The following DOCK11 variants were observed in gnomAD, a reference collection of about 807,000 sequenced individuals.
The protein encoded by DOCK11 is dedicator of cytokinesis 11, also known as dedicator of cytokinesis protein 11.
In DOCK11, 70 loss-of-function variants were observed where a neutral mutation model predicts 169.1. The ratio of observed to expected loss-of-function variants is 0.41; its 90% CI spans 0.34 to 0.51. The LOEUF is 0.51. Among genes scored for constraint, DOCK11 ranks in the 20% least tolerant of loss-of-function variants. The pLI, the probability that DOCK11 is intolerant of heterozygous loss-of-function variation, is 0.10. For missense variants in DOCK11, 1,166 were observed against 1,538.8 expected, an observed-to-expected ratio of 0.76 and a Z score of 4.05; for synonymous variants, 529 against 541.3, an observed-to-expected ratio of 0.98 and a Z score of 0.32.
At chrX:118,640,854 C>T (rs776532033) in intron 38 of DOCK11, among the ~76,000 whole-genome samples, 36 of 111,891 alleles carry the variant, frequency 3.2e-4, no homozygotes, top group Non-Finnish European at 5.5e-4. Context: ...AGTGCAGTGA[C>T]GTGATCTCGG....
At chrX:118,571,391 C>A (rs1488400828) in intron 10 of DOCK11, among the ~76,000 whole-genome samples, 1 of 108,943 alleles carries the variant, frequency 9.2e-6, no homozygotes, top group African/African-American at 3.4e-5. Context: ...CACTCTGTCA[C>A]CCAGGTCGGA....
chrX:118,592,571 A>G (rs1436665578), intron 19 of DOCK11, among the ~76,000 whole-genome samples: 1 of 112,383 alleles, frequency 8.9e-6, no homozygotes, highest in Non-Finnish European at 1.9e-5. Context: ...TGTCTCTTAC[A>G]TACTTCCAGG....
chrX:118,619,587 T>C (rs1445746047), intron 31 of DOCK11, among the ~76,000 whole-genome samples: 2 of 108,775 alleles, frequency 1.8e-5, no homozygotes, highest in African/African-American at 6.6e-5. Context: ...TGCTTCATGA[T>C]TAAGAATTTT....
chrX:118,651,709 C>T (rs1346027386), intron 41 of DOCK11, among the ~76,000 whole-genome samples: 1 of 111,815 alleles, frequency 8.9e-6, no homozygotes. Context: ...TTAGATCTGG[C>T]TATGCTATGA....
chrX:118,501,770 T>G (rs1483439946), intron 1 of DOCK11, among the ~76,000 whole-genome samples: 1 of 111,862 alleles, frequency 8.9e-6, no homozygotes, highest in African/African-American at 3.3e-5. Flanking sequence ...GTTAAATTGC[T>G]CTACAGAAAG....
rs747425763 is a variant in DOCK11 at position 118,643,848 on chromosome X, G to A, written c.4398+254G>A. On this transcript the variant is annotated intron_variant, in intron 40 of 52. Coordinates refer to ENST00000276202, the MANE Select transcript of DOCK11 (RefSeq NM_144658.4). The stretch of plus-strand genomic sequence containing the variant: ...CCATTAAGCTCCTTTGAAGAATATC[G>A]TTTTAAAATTACCAAACCTGCCAGT... 3.6e-5 allele frequency among the ~76,000 whole-genome samples: 4 copies of A among 111,520 alleles called. No individual in the cohort carries two copies. The East Asian group carries it at 8.4e-4, about 23-fold the overall frequency.
chrX:118,514,731 C>T (rs779302358), intron 1 of DOCK11, among the ~76,000 whole-genome samples: 1 of 112,283 alleles, frequency 8.9e-6, no homozygotes, highest in Non-Finnish European at 1.9e-5. Context: ...ATGCTGACTC[C>T]TCATCCGGGG....
At chrX:118,525,076 C>T (rs1380678711) in intron 1 of DOCK11, among the ~76,000 whole-genome samples, 3 of 108,946 alleles carry the variant, frequency 2.8e-5, no homozygotes, top group African/African-American at 1.0e-4. Context: ...ACCCAGGAGG[C>T]GGAGGTTGCA....
chrX:118,516,427 C>T lies in DOCK11; in HGVS notation c.102+20354C>T, dbSNP rs747566893. 4.1e-5 allele frequency among the ~76,000 whole-genome samples: 4 copies of T among 97,348 alleles called. No individual in the cohort carries two copies. The East Asian group carries it at 1.4e-3, about 34-fold the overall frequency. 84.5% of individuals were successfully genotyped at this position (97,348 alleles called of 115,157 possible). A position where few individuals can be genotyped will look rare whatever the true frequency, so the allele number is the denominator to read the frequency against. On this transcript the variant is annotated intron_variant, in intron 1 of 52. Coordinates refer to ENST00000276202, the MANE Select transcript of DOCK11 (RefSeq NM_144658.4). ...CTCCTCTCCTCCCCTCCCCTCCCCTCCCCTCCTTTTTCTTCTTTCTTTCTC... is the reference window on the plus strand; with the variant it reads ...CTCCTCTCCTCCCCTCCCCTCCCCTTCCCTCCTTTTTCTTCTTTCTTTCTC...
In DOCK11 at chrX:118,568,530, A is replaced by G. The variant is rs760414738; in HGVS notation, c.1035+368A>G. Among the ~76,000 whole-genome samples the G allele has an allele frequency of 2.7e-4, 28 of 105,316 alleles. 1 individual carries two copies. In the South Asian group the frequency reaches 4.2e-3, roughly 16 times the overall value. The allele number at this position is 105,316 out of a possible 115,157, so 91.5% of individuals were successfully genotyped here. A position where few individuals can be genotyped will look rare whatever the true frequency, so the allele number is the denominator to read the frequency against. On this transcript the variant is annotated intron_variant, in intron 10 of 52. Coordinates refer to ENST00000276202, the MANE Select transcript of DOCK11 (RefSeq NM_144658.4). The stretch of plus-strand genomic sequence containing the variant: ...GTGTTCTTTTAGCCCATGAAATACA[A>G]TTGTGATCTAGTGGCAGAAAATATC...
chrX:118,681,253 G>T lies in DOCK11; in HGVS notation c.5862+5G>T. The stretch of plus-strand genomic sequence containing the variant: ...CAGGGCTGTGTTTCTGTGCAGGTAC[G>T]TTGGTCATCCAACATGTATTGAATG... On this transcript the variant is annotated splice_donor_5th_base_variant and intron_variant, in intron 50 of 52. Coordinates refer to ENST00000276202, the MANE Select transcript of DOCK11 (RefSeq NM_144658.4). 1.7e-6 allele frequency: 2 copies of T among 1,168,410 alleles called. No individual in the cohort carries two copies. Among genetic ancestry groups the T allele is most frequent in the Non-Finnish European group, 2.3e-6 (2 of 875,511 alleles).
At chrX:118,584,931 G>A in intron 15 of DOCK11, 74 bp downstream of exon 15, 1 of 1,146,400 alleles carries the variant, frequency 8.7e-7, no homozygotes, top group South Asian at 2.0e-5. Flanking sequence ...ATGAATGTGA[G>A]TCATATATGG....
chrX:118,619,876 G>A (rs2014927732), intron 31 of DOCK11, among the ~76,000 whole-genome samples: 1 of 107,262 alleles, frequency 9.3e-6, no homozygotes, highest in South Asian at 4.2e-4. Context: ...GGAGTGCAGT[G>A]GTGCGATCTC....
chrX:118,673,955 C>T (rs950567520), intron 46 of DOCK11, among the ~76,000 whole-genome samples: 4 of 111,667 alleles, frequency 3.6e-5, no homozygotes, highest in African/African-American at 1.3e-4. Context: ...ACTGTTTGAG[C>T]ATGGTCATGG....
rs140545465 is a variant in DOCK11, at chrX:118,566,716, T to C, written c.951+63T>C. 99 of 986,719 alleles carry C rather than the reference T, an allele frequency of 1.0e-4. No individual in the cohort carries two copies. The East Asian group carries it at 3.2e-3, about 32-fold the overall frequency. The allele number at this position is 986,719 out of a possible 1,213,427, so 81.3% of individuals were successfully genotyped here. A position where few individuals can be genotyped will look rare whatever the true frequency, so the allele number is the denominator to read the frequency against. ...TAATGCAGGATTAGCTATTAAAGTT[T>C]TAATGCTGGATTCCATTTGGCAATG... On this transcript the variant is annotated intron_variant, in intron 9 of 52. Coordinates refer to ENST00000276202, the MANE Select transcript of DOCK11 (RefSeq NM_144658.4).
intron 31 of DOCK11, among the ~76,000 whole-genome samples, chrX:118,624,091 A>G (rs935359458): frequency 8.9e-6 from 1 of 112,325 alleles, no homozygotes; most frequent in African/African-American, 3.2e-5. Flanking sequence ...GTAACTTACC[A>G]TTTTTTCACT....
In DOCK11 at chrX:118,542,920, T is replaced by A; in HGVS notation, c.220-6T>A. The A allele has an allele frequency of 8.3e-7, 1 of 1,210,395 alleles. No individual in the cohort carries two copies. Among genetic ancestry groups the A allele is most frequent in the East Asian group, 3.0e-5 (1 of 33,854 alleles). On this transcript the variant is annotated splice_region_variant and splice_polypyrimidine_tract_variant and intron_variant, in intron 2 of 52. Coordinates refer to ENST00000276202, the MANE Select transcript of DOCK11 (RefSeq NM_144658.4). ...TCTTACAGCAAAAATGTTCTTTGTG[T>A]TCTAGATCTCGGTGATAGGTCGTCA...
chrX:118,527,999 G>A (rs921925669), intron 1 of DOCK11, among the ~76,000 whole-genome samples: 27 of 112,821 alleles, frequency 2.4e-4, no homozygotes, highest in African/African-American at 8.7e-4. Flanking sequence ...AGGATGCAGA[G>A]TTATATACAT....
intron 48 of DOCK11, among the ~76,000 whole-genome samples, chrX:118,679,038 T>A (rs906329018): frequency 9.0e-6 from 1 of 110,985 alleles, no homozygotes; most frequent in Non-Finnish European, 1.9e-5. Flanking sequence ...GCAATCCTCC[T>A]GTCTTAGCCT....
Sources: allele counts gnomAD v4.1 joint callset (sites outside exome capture counted in the v4.1 genomes callset), GRCh38; gene constraint gnomAD v4.1.1; transcripts MANE v1.5; gene names NCBI Gene and HGNC (gene_info 2026-07-23, HGNC 2026-07-21).